The following STMND1 variants were observed in gnomAD, a reference collection of about 807,000 sequenced individuals.
STMND1 encodes the protein stathmin domain containing 1.
A neutral mutation model predicts 23.0 loss-of-function variants in STMND1; 17 were observed. The observed-to-expected ratio is 0.74, with a 90% CI of 0.51 to 1.11. The LOEUF is 1.11. Ranked by LOEUF, STMND1 falls within the 50% of genes least tolerant of loss-of-function variation. The pLI, the probability that STMND1 is intolerant of heterozygous loss-of-function variation, is 0.00. For synonymous variants in STMND1, 114 were observed against 119.9 expected, an observed-to-expected ratio of 0.95 and a Z score of 0.32; for missense variants, 305 against 329.1, an observed-to-expected ratio of 0.93 and a Z score of 0.57.
intron 1 of STMND1, among the ~76,000 whole-genome samples, chr6:17,109,936 A>G (rs908607841): frequency 8.5e-5 from 13 of 152,210 alleles, no homozygotes; most frequent in Non-Finnish European, 1.8e-4. Flanking sequence ...AAATAGAATC[A>G]ATCTCCTTTG....
intron 2 of STMND1, among the ~76,000 whole-genome samples, chr6:17,117,866 A>T (rs1761181653): frequency 6.7e-6 from 1 of 148,980 alleles, no homozygotes; most frequent in African/African-American, 2.5e-5. Context: ...TTTAGTAGAG[A>T]CGGAGTTTCA....
At chr6:17,110,825 T>C (rs1273201779) in intron 1 of STMND1, 1 of 455,856 alleles carries the variant, frequency 2.2e-6, no homozygotes, top group Non-Finnish European at 4.4e-6. Context: ...GAGTGGAAGA[T>C]GCACGTGTTC....
At chr6:17,112,560 A>C (rs533331350) in intron 1 of STMND1, among the ~76,000 whole-genome samples, 1 of 151,906 alleles carries the variant, frequency 6.6e-6, no homozygotes, top group Non-Finnish European at 1.5e-5. Flanking sequence ...GGTGGATCAC[A>C]AGGTCAGCAG....
intron 3 of STMND1, among the ~76,000 whole-genome samples, chr6:17,127,035 C>G (rs918302650): frequency 9.2e-5 from 14 of 152,206 alleles, no homozygotes; most frequent in African/African-American, 3.4e-4. Flanking sequence ...CTCCTTCCTC[C>G]CCTCTGTGCT....
At chr6:17,128,949 G>GC in intron 3 of STMND1, 163 bp from the exon 4 acceptor site, 1 of 579,674 alleles carries the variant, frequency 1.7e-6, no homozygotes, top group Admixed American at 3.3e-5. Context: ...CGGAGCTCAA[G>GC]CAGTCTTCCC....
Position 17,112,605 on chromosome 6 carries a change from G to A in STMND1, c.82-2357G>A, listed in dbSNP as rs529350167. On this transcript the variant is annotated intron_variant, in intron 1 of 4. Transcript: ENST00000536551. ...ATCCTGGCTAACACGGTGAAACTCC[G>A]TCTCTACTAAAAATACAAAAAATTA... Among the ~76,000 whole-genome samples the A allele has an allele frequency of 1.5e-4, 23 of 152,126 alleles. 1 individual carries two copies. In the South Asian group the frequency reaches 3.9e-3, roughly 26 times the overall value.
In STMND1 at chr6:17,103,709, T is replaced by C. The variant is rs1486343397; in HGVS notation, c.81+1371T>C. ...GCCTCAGCCTCCTGAGTAGCTGGGA[T>C]GACAGGCGTGCGCCACCACGCCCAG... is the stretch of plus-strand genomic sequence containing the variant. On this transcript the variant is annotated intron_variant, in intron 1 of 4. Transcript: ENST00000536551. 2.0e-5 allele frequency among the ~76,000 whole-genome samples: 3 copies of C among 151,718 alleles called. No homozygotes were observed. In the South Asian group the frequency reaches 6.2e-4, roughly 32 times the overall value.
chr6:17,130,834 G>T lies in STMND1; in HGVS notation c.784G>T (p.Val262Leu). ...RNESDESFGV[V>L]ESDMSYNQAD... ...CGAAAGTGATGAAAGTTTTGGGGTC[G>T]TGGAGTCAGACATGTCCTACAACCA... Residue 262 changes from valine (V) to leucine (L), a missense_variant, in exon 5 of 5, where the codon GTG (valine) becomes TTG (leucine). Val to Leu is a conservative substitution (Grantham distance 32). Transcript: ENST00000536551. 1 of 1,535,548 alleles carries T rather than the reference G, an allele frequency of 6.5e-7. No individual in the cohort carries two copies. The highest frequency in any genetic ancestry group is 1.2e-5 in the South Asian group (1 of 83,988).
chr6:17,131,098 C>G lies in STMND1; in HGVS notation c.*217C>G. ...AAGAGCGAGGGGGAGACTTGACCAG[C>G]ATAGATATTTGGCACTCTCCTTTGT... On this transcript the variant is annotated 3_prime_UTR_variant, in exon 5 of 5. Coordinates refer to ENST00000536551, the MANE Select transcript of STMND1 (RefSeq NM_001190766.2). 1 of 463,728 alleles carries G rather than the reference C, an allele frequency of 2.2e-6. No homozygotes were observed. The highest frequency in any genetic ancestry group is 3.8e-6 in the Non-Finnish European group (1 of 266,274). The allele number at this position is 463,728 out of a possible 1,614,324, so 28.7% of individuals were successfully genotyped here. A position where few individuals can be genotyped will look rare whatever the true frequency, so the allele number is the denominator to read the frequency against.
chr6:17,120,540 G>A, intron 2 of STMND1, 67 bp from the exon 3 acceptor site: 2 of 1,292,110 alleles, frequency 1.5e-6, no homozygotes, highest in South Asian at 1.7e-5. Flanking sequence ...CATCCGTTTA[G>A]CATTTGATTG....
In STMND1 at chr6:17,129,213, G is replaced by A. The variant is rs753629191; in HGVS notation, c.513G>A (p.Glu171=). 1.0e-4 allele frequency: 157 copies of A among 1,536,008 alleles called. No homozygotes were observed. The African/African-American group carries it at 1.9e-3, about 18-fold the overall frequency. The change falls in exon 4 of 5, where the codon GAG becomes GAA. Residue 171 remains glutamate, a synonymous_variant. Transcript: ENST00000536551. ...VKDFTMKDIE[E]KMEAAEERRK... is the part of the protein sequence containing the mutation. ...ATTTCACAATGAAGGACATCGAGGAGAAGATGGAGGCTGCCGAGGAGCGCA... is the reference window on the plus strand; with the variant it reads ...ATTTCACAATGAAGGACATCGAGGAAAAGATGGAGGCTGCCGAGGAGCGCA...
At chr6:17,126,436 A>G (rs1340502165) in intron 3 of STMND1, among the ~76,000 whole-genome samples, 14 of 152,076 alleles carry the variant, frequency 9.2e-5, no homozygotes, top group African/African-American at 3.4e-4. Flanking sequence ...AGAAAAATCC[A>G]AGCTCTCTCA....
At chr6:17,121,224 A>G (rs1243781809) in intron 3 of STMND1, among the ~76,000 whole-genome samples, 3 of 152,186 alleles carry the variant, frequency 2.0e-5, no homozygotes, top group Non-Finnish European at 2.9e-5. Flanking sequence ...TCTTTTCTTT[A>G]TAAATTACCC....
intron 1 of STMND1, among the ~76,000 whole-genome samples, chr6:17,112,727 A>T (rs1465963964): frequency 6.6e-6 from 1 of 152,118 alleles, no homozygotes; most frequent in Non-Finnish European, 1.5e-5. Context: ...CAGTGAGCCG[A>T]GATTGCGCCA....
chr6:17,102,153 C>A lies in STMND1; in HGVS notation c.-105C>A, dbSNP rs974797992. On this transcript the variant is annotated 5_prime_UTR_variant, in exon 1 of 5. Transcript: ENST00000536551. ...CGAGCGCAGTAGCAGGGGCGTAGGG[C>A]GCAGGGCGCAGGAGCGCGGGACCAC... 44 of 1,173,314 alleles carry A rather than the reference C, an allele frequency of 3.8e-5. No individual in the cohort carries two copies. The highest frequency in any genetic ancestry group is 4.5e-5 in the Non-Finnish European group (40 of 897,382). The allele number at this position is 1,173,314 out of a possible 1,614,324, so 72.7% of individuals were successfully genotyped here. A position where few individuals can be genotyped will look rare whatever the true frequency, so the allele number is the denominator to read the frequency against.
At chr6:17,118,732 A>G (rs967774096) in intron 2 of STMND1, among the ~76,000 whole-genome samples, 32 of 152,166 alleles carry the variant, frequency 2.1e-4, no homozygotes, top group African/African-American at 5.8e-4. Context: ...TACATGACCT[A>G]TTTGGGAGGA....
At chr6:17,127,631 G>C (rs1249941890) in intron 3 of STMND1, among the ~76,000 whole-genome samples, 1 of 152,098 alleles carries the variant, frequency 6.6e-6, no homozygotes, top group Non-Finnish European at 1.5e-5. Flanking sequence ...TCTCCGTCTG[G>C]TGCCTTGTTT....
At chr6:17,105,611 C>T (rs981173759) in intron 1 of STMND1, among the ~76,000 whole-genome samples, 3 of 151,588 alleles carry the variant, frequency 2.0e-5, no homozygotes, top group Non-Finnish European at 1.5e-5. Flanking sequence ...CATGCCACTG[C>T]ACTCCAGCCT....
chr6:17,130,373 C>T (rs924973385), intron 4 of STMND1, among the ~76,000 whole-genome samples: 1 of 152,160 alleles, frequency 6.6e-6, no homozygotes, highest in African/African-American at 2.4e-5. Flanking sequence ...CCTTCATTTC[C>T]CAGCTCTCTA....
Sources: allele counts gnomAD v4.1 joint callset (sites outside exome capture counted in the v4.1 genomes callset), GRCh38; gene constraint gnomAD v4.1.1; transcripts MANE v1.5; gene names NCBI Gene and HGNC (gene_info 2026-07-23, HGNC 2026-07-21).